The following ITSN1 variants were observed in gnomAD, a reference collection of about 807,000 sequenced individuals.
The protein encoded by ITSN1 is intersectin-1.
In ITSN1, 58 loss-of-function variants were observed where a neutral mutation model predicts 239.8. The observed-to-expected ratio is 0.24, with a 90% CI of 0.20 to 0.30. ITSN1 has a LOEUF of 0.30. Ranked by LOEUF, ITSN1 falls within the 10% of genes least tolerant of loss-of-function variation. The pLI is 1.00. For synonymous variants in ITSN1, 780 were observed against 770.8 expected (o/e 1.01, Z -0.20); for missense variants, 1,558 against 2,103.3 (o/e 0.74, Z 5.07).
At chr21:33,740,578 G>GTA (rs953792719) in intron 5 of ITSN1, among the ~76,000 whole-genome samples, 15 of 152,188 alleles carry the variant, frequency 9.9e-5, no homozygotes, top group African/African-American at 2.7e-4. Context: ...AGCAGTTTCA[G>GTA]TATAGTGATA....
At chr21:33,723,748 G>C (rs2065647066) in intron 4 of ITSN1, among the ~76,000 whole-genome samples, 1 of 152,196 alleles carries the variant, frequency 6.6e-6, no homozygotes, top group Admixed American at 6.5e-5. Context: ...AAATAGGAAT[G>C]GTTATAGTTT....
intron 1 of ITSN1, among the ~76,000 whole-genome samples, chr21:33,683,765 T>C (rs1039434564): frequency 2.6e-5 from 4 of 152,234 alleles, no homozygotes; most frequent in African/African-American, 9.6e-5. Context: ...TTTCCAAATA[T>C]TTGAAATACT....
At chr21:33,703,451 ATT>A (rs2092113909) in intron 1 of ITSN1, among the ~76,000 whole-genome samples, 2 of 152,152 alleles carry the variant, frequency 1.3e-5, no homozygotes, top group Admixed American at 6.5e-5. Flanking sequence ...TGAAGAAACT[ATT>A]TACCTGTTTC....
At chr21:33,701,631 A>T (rs968737194) in intron 1 of ITSN1, among the ~76,000 whole-genome samples, 49 of 130,518 alleles carry the variant, frequency 3.8e-4, no homozygotes, top group African/African-American at 1.4e-3. Flanking sequence ...TGTGTCTGTT[A>T]AAAAAAAAAA....
chr21:33,659,273 C>T (rs1374105192), intron 1 of ITSN1, among the ~76,000 whole-genome samples: 2 of 152,210 alleles, frequency 1.3e-5, no homozygotes, highest in Admixed American at 6.5e-5. Context: ...TGTACTTCCT[C>T]TCCCCCATGC....
chr21:33,773,815 G>T (rs1167646239), intron 12 of ITSN1, among the ~76,000 whole-genome samples: 1 of 152,048 alleles, frequency 6.6e-6, no homozygotes, highest in Non-Finnish European at 1.5e-5. Context: ...GAGTAGCTGG[G>T]ATTACAGGCG....
intron 1 of ITSN1, among the ~76,000 whole-genome samples, chr21:33,696,230 TC>T (rs976345577): frequency 6.6e-6 from 1 of 152,320 alleles, no homozygotes; most frequent in African/African-American, 2.4e-5. Flanking sequence ...TGGTAAATAA[TC>T]TTCAGCTGTA....
intron 31 of ITSN1, among the ~76,000 whole-genome samples, chr21:33,863,762 C>G (rs1227829187): frequency 6.6e-6 from 1 of 152,210 alleles, no homozygotes; most frequent in Non-Finnish European, 1.5e-5. Flanking sequence ...AAGTTTATAA[C>G]GTGGCTATCC....
Position 33,797,714 on chromosome 21 carries a change from A to G in ITSN1, c.2182+106A>G. 1.3e-6 allele frequency: 1 copy of G among 786,542 alleles called. No homozygotes were observed. The highest frequency in any genetic ancestry group is 1.8e-5 in the South Asian group (1 of 54,990). 48.7% of individuals were successfully genotyped at this position (786,542 alleles called of 1,614,324 possible). A position where few individuals can be genotyped will look rare whatever the true frequency, so the allele number is the denominator to read the frequency against. ...GTACCTGTCTTGGCTACATTAACAG[A>G]TGAGAACGTCAGTCTCTTATTTTGA... is the stretch of plus-strand genomic sequence containing the variant. On this transcript the variant is annotated intron_variant, in intron 18 of 39. Coordinates refer to ENST00000381318, the MANE Select transcript of ITSN1 (RefSeq NM_003024.3). The surrounding 1 kb of genome is among the most constrained non-coding windows in gnomAD (Gnocchi z 4.9).
At chr21:33,645,751 T>G (rs146300630) in intron 1 of ITSN1, among the ~76,000 whole-genome samples, 127 of 152,312 alleles carry the variant, frequency 8.3e-4, no homozygotes, top group Middle Eastern at 3.4e-3. Context: ...GGAATTGGTG[T>G]TGTTAATGCA....
chr21:33,799,800 G>C lies in ITSN1; in HGVS notation c.2183-8G>C, dbSNP rs1388257889. On this transcript the variant is annotated splice_polypyrimidine_tract_variant and splice_region_variant and intron_variant, in intron 18 of 39. Coordinates refer to ENST00000381318, the MANE Select transcript of ITSN1 (RefSeq NM_003024.3). ...ATTTTTGTCCCCCCCACCTTTTTTT[G>C]TAAACAGAAAAAGGTCCACTTACCA... is the stretch of plus-strand genomic sequence containing the variant. The C allele has an allele frequency of 1.2e-6, 2 of 1,608,568 alleles. No homozygotes were observed. The highest frequency in any genetic ancestry group is 1.7e-6 in the Non-Finnish European group (2 of 1,178,212).
Position 33,778,976 on chromosome 21 carries a change from C to T in ITSN1, c.1597-2485C>T, listed in dbSNP as rs150316454. Among the ~76,000 whole-genome samples, 1,233 of 152,096 alleles carry T rather than the reference C, an allele frequency of 8.1e-3. 9 individuals are homozygous for T. The highest frequency in any genetic ancestry group is 0.027 in the African/African-American group (1,103 of 41,488). On this transcript the variant is annotated intron_variant, in intron 14 of 39. Transcript: ENST00000381318. The stretch of plus-strand genomic sequence containing the variant: ...AATTTGTGTCCTCTCACTCTGTCTC[C>T]GTGCTTCCTTCTCCTTTTCCTTCCT...
chr21:33,736,381 T>C (rs2066502873), intron 5 of ITSN1, among the ~76,000 whole-genome samples: 1 of 152,196 alleles, frequency 6.6e-6, no homozygotes, highest in South Asian at 2.1e-4. Flanking sequence ...AAACAATGTA[T>C]TGCCTTTCTT....
intron 34 of ITSN1, among the ~76,000 whole-genome samples, chr21:33,879,092 A>G (rs1387130843): frequency 2.2e-4 from 34 of 152,178 alleles, no homozygotes; most frequent in Admixed American, 2.2e-3. Context: ...TCAGGCCTGT[A>G]ATCCCAGCAC....
intron 20 of ITSN1, among the ~76,000 whole-genome samples, chr21:33,809,062 CA>C (rs1236701982): frequency 6.6e-6 from 1 of 152,140 alleles, no homozygotes; most frequent in Non-Finnish European, 1.5e-5. Flanking sequence ...TTGAGTTCAG[CA>C]TAAAAGAAGA....
At position 33,767,193 on chromosome 21, in the gene ITSN1, C is replaced by CATAA. The variant is rs561807780; in HGVS notation, c.927-502_927-499dup. The stretch of plus-strand genomic sequence containing the variant: ...CAAAAAATAAAATAAAATAAAATGA[C>CATAA]ATAAATAAATAAATAAATAAAAGTG... On this transcript the variant is annotated intron_variant, in intron 10 of 39. Transcript: ENST00000381318. 7.4e-3 allele frequency among the ~76,000 whole-genome samples: 1,119 copies of CATAA among 151,550 alleles called. 10 individuals carry two copies. Among genetic ancestry groups the CATAA allele is most frequent in the African/African-American group, 0.025 (1,052 of 41,378 alleles).
chr21:33,820,517 G>T (rs2073600816), intron 24 of ITSN1, among the ~76,000 whole-genome samples: 1 of 152,180 alleles, frequency 6.6e-6, no homozygotes, highest in Non-Finnish European at 1.5e-5. Context: ...ACCTTGCCCA[G>T]TGAAAAACAG....
chr21:33,736,533 A>C (rs1398437842), intron 5 of ITSN1, among the ~76,000 whole-genome samples: 2 of 152,260 alleles, frequency 1.3e-5, no homozygotes, highest in Admixed American at 1.3e-4. Flanking sequence ...TGAACACTGC[A>C]GCAGCCTCCA....
intron 29 of ITSN1, 36 bp from the exon 30 acceptor site, chr21:33,856,700 C>G (rs758856121): frequency 1.2e-6 from 2 of 1,613,016 alleles, no homozygotes; most frequent in Non-Finnish European, 8.5e-7. Flanking sequence ...CTTCCCCAGA[C>G]TGTGCTAAGT....
Sources: allele counts gnomAD v4.1 joint callset (sites outside exome capture counted in the v4.1 genomes callset), GRCh38; gene constraint gnomAD v4.1.1; non-coding constraint Gnocchi (gnomAD v3.1); transcripts MANE v1.5; gene names NCBI Gene and HGNC (gene_info 2026-07-23, HGNC 2026-07-21).